The following DCDC1 variants were observed in gnomAD, a reference collection of about 807,000 sequenced individuals.
DCDC1 encodes the protein doublecortin domain-containing protein 1.
DCDC1 carries 200 observed loss-of-function variants against 178.3 expected under a neutral mutation model. The observed-to-expected ratio is 1.12, with a 90% CI of 1.00 to 1.26. The LOEUF (loss-of-function observed/expected upper bound fraction) is 1.26, where lower values mean the gene tolerates loss of function less well. DCDC1 is among the 50% of genes most tolerant of loss of function. The pLI is 0.00. For missense variants in DCDC1, 1,983 were observed against 1,749.2 expected (o/e 1.13, Z -2.38); for synonymous variants, 690 against 604.8 (o/e 1.14, Z -2.07).
At chr11:31,017,238 C>A (rs1952539120) in intron 20 of DCDC1, among the ~76,000 whole-genome samples, 1 of 152,118 alleles carries the variant, frequency 6.6e-6, no homozygotes, top group Non-Finnish European at 1.5e-5. Flanking sequence ...AGATTTTCTT[C>A]CTCCTTTGCC....
chr11:30,981,347 T>A (rs1198325465), intron 20 of DCDC1, among the ~76,000 whole-genome samples: 2 of 152,148 alleles, frequency 1.3e-5, no homozygotes, highest in Admixed American at 6.6e-5. Flanking sequence ...AAATAAATTT[T>A]AAAAAGAATA....
At chr11:31,041,662 C>T (rs911762262) in intron 20 of DCDC1, among the ~76,000 whole-genome samples, 1 of 152,110 alleles carries the variant, frequency 6.6e-6, no homozygotes, top group African/African-American at 2.4e-5. Context: ...TATTATCTCA[C>T]TTAACCATCA....
chr11:31,344,949 C>T (rs1950738957), intron 1 of DCDC1, among the ~76,000 whole-genome samples: 1 of 152,132 alleles, frequency 6.6e-6, no homozygotes, highest in South Asian at 2.1e-4. Flanking sequence ...TCCACAATTC[C>T]TTTAATCAAG....
rs2137582315 is a variant in DCDC1, at chr11:31,305,517, A to C, written c.754+98T>G. Reference sequence around the variant, plus strand: ...AAATGCGTAAACATTAGTTTTGTTAAACCATGCAAAAAAGACAGGATGAAA... The same window carrying C: ...AAATGCGTAAACATTAGTTTTGTTACACCATGCAAAAAAGACAGGATGAAA... On this transcript the variant is annotated intron_variant, in intron 6 of 38. Transcript: ENST00000684477. 2.7e-6 allele frequency: 4 copies of C among 1,464,830 alleles called. No individual in the cohort carries two copies. The East Asian group carries it at 9.2e-5, about 34-fold the overall frequency. 90.7% of individuals were successfully genotyped at this position (1,464,830 alleles called of 1,614,324 possible). A position where few individuals can be genotyped will look rare whatever the true frequency, so the allele number is the denominator to read the frequency against.
At chr11:30,946,081 T>C (rs764593330) in intron 21 of DCDC1, among the ~76,000 whole-genome samples, 60 of 152,286 alleles carry the variant, frequency 3.9e-4, no homozygotes, top group Middle Eastern at 6.8e-3. Flanking sequence ...TGAGTTCATA[T>C]GAAAACTCAA....
At chr11:30,880,372 T>C (rs2133970722) in intron 37 of DCDC1, among the ~76,000 whole-genome samples, 1 of 152,312 alleles carries the variant, frequency 6.6e-6, no homozygotes, top group Middle Eastern at 3.4e-3. Context: ...TATCCTTTTG[T>C]CCCTTCTGGG....
intron 9 of DCDC1, 124 bp from the exon 10 acceptor site, chr11:31,137,908 C>A: frequency 1.8e-6 from 1 of 561,280 alleles, no homozygotes; most frequent in South Asian, 2.3e-5. Flanking sequence ...ATGATACGTA[C>A]ATGAAAATAA....
At chr11:30,914,851 C>T (rs1250683705) in intron 27 of DCDC1, among the ~76,000 whole-genome samples, 1 of 151,762 alleles carries the variant, frequency 6.6e-6, no homozygotes, top group Admixed American at 6.6e-5. Flanking sequence ...TTTTTTTTAA[C>T]ATTACCATTG....
intron 7 of DCDC1, among the ~76,000 whole-genome samples, chr11:31,277,041 T>G (rs1946046478): frequency 1.3e-5 from 2 of 152,154 alleles, no homozygotes; most frequent in African/African-American, 4.8e-5. Context: ...TTGATGCAGG[T>G]AGAACAATGT....
intron 22 of DCDC1, among the ~76,000 whole-genome samples, chr11:30,929,273 A>G (rs2134299809): frequency 6.6e-6 from 1 of 152,182 alleles, no homozygotes; most frequent in African/African-American, 2.4e-5. Flanking sequence ...GCTATGAATG[A>G]AGCATCCCTG....
chr11:31,186,764 C>T (rs548985815), intron 9 of DCDC1, among the ~76,000 whole-genome samples: 2 of 152,338 alleles, frequency 1.3e-5, no homozygotes, highest in Non-Finnish European at 2.9e-5. Flanking sequence ...CAATTTCCAG[C>T]CTTATTACCC....
chr11:30,990,959 G>A (rs903825294), intron 20 of DCDC1, among the ~76,000 whole-genome samples: 3 of 152,160 alleles, frequency 2.0e-5, no homozygotes, highest in African/African-American at 7.2e-5. Flanking sequence ...TTTGGGGTGG[G>A]AAGCTTCCTG....
At chr11:30,978,810 ACACACACACACACACACC>A (rs1590638179) in intron 20 of DCDC1, among the ~76,000 whole-genome samples, 2 of 85,030 alleles carry the variant, frequency 2.4e-5, no homozygotes, top group African/African-American at 3.4e-5. Flanking sequence ...ACACACACAC[ACACACACACACACACACC>A]CCCTTCTCAG....
At chr11:30,961,276 G>T (rs996830081) in intron 20 of DCDC1, among the ~76,000 whole-genome samples, 65 of 152,158 alleles carry the variant, frequency 4.3e-4, no homozygotes, top group Non-Finnish European at 1.8e-4. Context: ...ATCTAAATGT[G>T]CCCTAGTTGA....
intron 20 of DCDC1, among the ~76,000 whole-genome samples, chr11:31,048,806 G>A (rs1259764116): frequency 2.0e-5 from 3 of 152,122 alleles, no homozygotes; most frequent in African/African-American, 7.2e-5. Flanking sequence ...GCAGTCCGCT[G>A]AGATTGCGCC....
At chr11:31,172,188 ATAATC>A (rs1259749646) in intron 9 of DCDC1, among the ~76,000 whole-genome samples, 2 of 152,066 alleles carry the variant, frequency 1.3e-5, no homozygotes, top group Non-Finnish European at 2.9e-5. Context: ...ATATTTCCCT[ATAATC>A]TAAACTTCAG....
intron 21 of DCDC1, among the ~76,000 whole-genome samples, chr11:30,948,573 C>A (rs1215666133): frequency 2.0e-5 from 3 of 152,118 alleles, no homozygotes; most frequent in Non-Finnish European, 4.4e-5. Flanking sequence ...AAGAACAAAG[C>A]TGGAGGCATC....
intron 20 of DCDC1, among the ~76,000 whole-genome samples, chr11:31,041,502 T>C (rs1184553340): frequency 1.3e-5 from 2 of 152,208 alleles, no homozygotes. Flanking sequence ...GAATTATTAT[T>C]CAAAATATTC....
intron 9 of DCDC1, among the ~76,000 whole-genome samples, chr11:31,229,331 AG>A (rs1174079294): frequency 6.6e-6 from 1 of 152,130 alleles, no homozygotes; most frequent in Non-Finnish European, 1.5e-5. Flanking sequence ...CCTCAAGATC[AG>A]AGATATAAAA....
Sources: allele counts gnomAD v4.1 joint callset (sites outside exome capture counted in the v4.1 genomes callset), GRCh38; gene constraint gnomAD v4.1.1; transcripts MANE v1.5; gene names NCBI Gene and HGNC (gene_info 2026-07-23, HGNC 2026-07-21).